KCTD9: variants seen among roughly 807,000 people sequenced by gnomAD.
The protein encoded by KCTD9 is BTB/POZ domain-containing protein KCTD9.
A neutral mutation model predicts 53.3 loss-of-function variants in KCTD9; 17 were observed. The ratio of observed to expected loss-of-function variants is 0.32; its 90% CI spans 0.22 to 0.48. KCTD9 has a LOEUF of 0.48. Ranked by LOEUF, KCTD9 falls within the 20% of genes least tolerant of loss-of-function variation. KCTD9 has a pLI of 0.99. For missense variants in KCTD9, 179 were observed against 465.5 expected, an observed-to-expected ratio of 0.38 and a Z score of 5.66; for synonymous variants, 128 against 162.7, an observed-to-expected ratio of 0.79 and a Z score of 1.62.
At chr8:25,457,858 G>T in intron 1 of KCTD9, 1 of 189,968 alleles carries the variant, frequency 5.3e-6, no homozygotes, top group Non-Finnish European at 1.1e-5. Context: ...GGGGAGAGGC[G>T]GGAAGAGGCG....
chr8:25,444,119 T>C (rs562201022), intron 3 of KCTD9, among the ~76,000 whole-genome samples, 173 bp downstream of exon 3: 3 of 152,126 alleles, frequency 2.0e-5, no homozygotes, highest in African/African-American at 7.2e-5. Flanking sequence ...TACGATCATA[T>C]AGTAAAAAAT....
At chr8:25,438,799 C>T (rs1802066548) in intron 6 of KCTD9, among the ~76,000 whole-genome samples, 1 of 152,210 alleles carries the variant, frequency 6.6e-6, no homozygotes, top group Admixed American at 6.5e-5. Context: ...GAAATTTCCC[C>T]AAGTTAGTCT....
chr8:25,432,717 T>TGGAG, intron 10 of KCTD9, 80 bp from the exon 11 acceptor site: 2 of 1,262,172 alleles, frequency 1.6e-6, no homozygotes, highest in South Asian at 3.0e-5. Flanking sequence ...GATGACTTAA[T>TGGAG]GGAGGCCTCT....
chr8:25,446,040 A>C, intron 2 of KCTD9, 89 bp downstream of exon 2: 2 of 1,512,030 alleles, frequency 1.3e-6, no homozygotes, highest in Admixed American at 3.9e-5. Flanking sequence ...TGTACTCTTA[A>C]CAGTGATTAA....
intron 1 of KCTD9, among the ~76,000 whole-genome samples, chr8:25,456,269 A>G (rs1482322930): frequency 6.6e-6 from 1 of 152,188 alleles, no homozygotes; most frequent in African/African-American, 2.4e-5. Context: ...AGATATTCCA[A>G]CTGGTGGATG....
intron 11 of KCTD9, among the ~76,000 whole-genome samples, chr8:25,430,880 C>T (rs1204952725): frequency 6.6e-6 from 1 of 151,846 alleles, no homozygotes; most frequent in Non-Finnish European, 1.5e-5. Context: ...TCTTGTTGCC[C>T]AGGCTGGAGT....
Position 25,435,403 on chromosome 8 carries a change from G to C in KCTD9, c.773C>G (p.Ala258Gly). ...CNLAHANLCCANLERADLSGS... is the reference protein window; with the variant it reads ...CNLAHANLCCGNLERADLSGS... ...AGAGAGATCAGCTCGTTCAAGATTT[G>C]CACAGCAAAGATTTGCATGTGCAAG... is the stretch of plus-strand genomic sequence containing the variant. The change falls in exon 9 of 12, where the codon GCA becomes GGA. Residue 258 changes from alanine (A) to glycine (G), a missense_variant. By Grantham distance (60) the Ala-to-Gly change is moderately conservative. Coordinates refer to ENST00000221200, the MANE Select transcript of KCTD9 (RefSeq NM_017634.4). 6.2e-7 allele frequency: 1 copy of C among 1,610,012 alleles called. No individual in the cohort carries two copies. Among genetic ancestry groups the C allele is most frequent in the Non-Finnish European group, 8.5e-7 (1 of 1,178,448 alleles).
At chr8:25,441,778 G>A (rs555571803) in intron 3 of KCTD9, among the ~76,000 whole-genome samples, 1 of 152,196 alleles carries the variant, frequency 6.6e-6, no homozygotes, top group African/African-American at 2.4e-5. Context: ...GATTGCTTGA[G>A]CTCAGGAGTT....
At chr8:25,455,585 G>GT (rs1346927268) in intron 1 of KCTD9, among the ~76,000 whole-genome samples, 2 of 152,102 alleles carry the variant, frequency 1.3e-5, no homozygotes, top group African/African-American at 4.8e-5. Context: ...TTGTTTACTT[G>GT]TGCTTGCATA....
At chr8:25,444,513 G>A (rs1404384714) in intron 2 of KCTD9, among the ~76,000 whole-genome samples, 178 bp from the exon 3 acceptor site, 2 of 151,954 alleles carry the variant, frequency 1.3e-5, no homozygotes, top group African/African-American at 4.8e-5. Flanking sequence ...AACTGTCTTT[G>A]AATTTAAATT....
chr8:25,433,286 G>T, intron 10 of KCTD9, 44 bp downstream of exon 10: 1 of 1,116,090 alleles, frequency 9.0e-7, no homozygotes, highest in Non-Finnish European at 1.3e-6. Flanking sequence ...TTCCTTTACA[G>T]TCTGCTTCCT....
intron 9 of KCTD9, 24 bp from the exon 10 acceptor site, chr8:25,433,459 T>C: frequency 7.0e-7 from 1 of 1,419,996 alleles, no homozygotes; most frequent in Non-Finnish European, 9.7e-7. Flanking sequence ...AGAAAAGTCC[T>C]GGTTGTAAGG....
Position 25,452,359 on chromosome 8 carries a change from G to T in KCTD9, c.48+5840C>A, listed in dbSNP as rs938188710. Reference sequence around the variant, plus strand: ...TGGTGGGAATATAAATTACTGCAATGACTTTGAAAAACAATCTGGCATTAT... The same window carrying T: ...TGGTGGGAATATAAATTACTGCAATTACTTTGAAAAACAATCTGGCATTAT... On this transcript the variant is annotated intron_variant, in intron 1 of 11. Transcript: ENST00000221200. Among the ~76,000 whole-genome samples, 4 of 152,270 alleles carry T rather than the reference G, an allele frequency of 2.6e-5. No individual in the cohort carries two copies. In the East Asian group the frequency reaches 7.7e-4, roughly 29 times the overall value.
chr8:25,455,269 AAAC>A (rs1307674363), intron 1 of KCTD9, among the ~76,000 whole-genome samples: 7 of 151,788 alleles, frequency 4.6e-5, no homozygotes, highest in African/African-American at 7.2e-5. Flanking sequence ...TAAAAGTAAA[AAAC>A]AAACAAAAAC....
chr8:25,432,670 T>C, intron 10 of KCTD9, 33 bp from the exon 11 acceptor site: 6 of 1,582,352 alleles, frequency 3.8e-6, no homozygotes, highest in East Asian at 2.3e-5. Flanking sequence ...GTAGTTTAAC[T>C]TAAAAATATA....
intron 10 of KCTD9, 150 bp downstream of exon 10, chr8:25,433,179 CT>C: frequency 2.3e-6 from 1 of 429,340 alleles, no homozygotes; most frequent in South Asian, 7.4e-5. Flanking sequence ...ATGGAGGTTT[CT>C]TACCACTTTG....
chr8:25,442,614 C>G (rs1802143763), intron 3 of KCTD9, among the ~76,000 whole-genome samples: 2 of 152,018 alleles, frequency 1.3e-5, no homozygotes, highest in Admixed American at 1.3e-4. Flanking sequence ...TACTAGAGAA[C>G]AAGTTTCAGA....
chr8:25,445,987 A>C, intron 2 of KCTD9, 142 bp downstream of exon 2: 1 of 1,045,458 alleles, frequency 9.6e-7, no homozygotes, highest in Non-Finnish European at 1.4e-6. Flanking sequence ...CAAATGATTT[A>C]AATTCCAAAG....
intron 9 of KCTD9, 65 bp downstream of exon 9, chr8:25,435,298 G>T: frequency 9.5e-7 from 1 of 1,054,534 alleles, no homozygotes; most frequent in Non-Finnish European, 1.3e-6. Context: ...TGTCTCAAAG[G>T]CTCTTTGAGA....
Sources: gnomAD v4.1 joint callset for allele counts (sites outside exome capture counted in the v4.1 genomes callset) on GRCh38, gnomAD v4.1.1 for gene constraint, MANE v1.5 for transcripts, NCBI Gene and HGNC (gene_info 2026-07-23, HGNC 2026-07-21) for gene names.